Variants in PTPRD observed in about 807,000 individuals in gnomAD.
The protein encoded by PTPRD is receptor-type tyrosine-protein phosphatase delta.
Under a neutral mutation model 214.5 loss-of-function variants are expected in PTPRD, and 34 were observed. The ratio of observed to expected loss-of-function variants is 0.16; its 90% CI spans 0.12 to 0.21. The LOEUF (loss-of-function observed/expected upper bound fraction) is 0.21, where lower values mean the gene tolerates loss of function less well. Among genes scored for constraint, PTPRD ranks in the 10% least tolerant of loss-of-function variants. PTPRD has a pLI of 1.00. For missense variants in PTPRD, 2,545 were observed against 2,398.7 expected (o/e 1.06, Z -1.27); for synonymous variants, 1,128 against 845.7 (o/e 1.33, Z -5.79).
At chr9:9,556,698 C>T (rs2081600014) in intron 8 of PTPRD, among the ~76,000 whole-genome samples, 1 of 152,072 alleles carries the variant, frequency 6.6e-6, no homozygotes, top group East Asian at 1.9e-4. Flanking sequence ...GCTAACACAA[C>T]CCAAATCCTT....
chr9:9,002,205 A>T (rs939016131), intron 11 of PTPRD, among the ~76,000 whole-genome samples: 16 of 152,026 alleles, frequency 1.1e-4, no homozygotes, highest in African/African-American at 3.6e-4. Flanking sequence ...TAAGGTAAAG[A>T]GAGAAACAAA....
At chr9:10,347,689 C>T (rs1416896536) in intron 2 of PTPRD, among the ~76,000 whole-genome samples, 3 of 151,976 alleles carry the variant, frequency 2.0e-5, no homozygotes, top group East Asian at 3.9e-4. Context: ...AGATTACAGG[C>T]GTGAGTCACT....
intron 14 of PTPRD, among the ~76,000 whole-genome samples, chr9:8,582,531 A>G (rs1270643665): frequency 4.6e-5 from 7 of 152,166 alleles, no homozygotes; most frequent in Admixed American, 1.3e-4. Context: ...TTAGTAAACA[A>G]ATGTGCATAC....
At chr9:9,752,229 C>T (rs1290301730) in intron 6 of PTPRD, among the ~76,000 whole-genome samples, 1 of 152,012 alleles carries the variant, frequency 6.6e-6, no homozygotes. Context: ...GCCATTTTGG[C>T]CCCTATTAGC....
chr9:10,496,677 G>C (rs2042133792), intron 2 of PTPRD, among the ~76,000 whole-genome samples: 1 of 151,920 alleles, frequency 6.6e-6, no homozygotes, highest in Non-Finnish European at 1.5e-5. Flanking sequence ...AACTCATTGT[G>C]GTTTTAATTT....
chr9:8,892,405 T>C (rs2098547283), intron 11 of PTPRD, among the ~76,000 whole-genome samples: 1 of 152,074 alleles, frequency 6.6e-6, no homozygotes, highest in Non-Finnish European at 1.5e-5. Context: ...TATTTATTCA[T>C]GCCACAAACA....
At chr9:10,269,370 T>A (rs1387020043) in intron 3 of PTPRD, among the ~76,000 whole-genome samples, 1 of 152,192 alleles carries the variant, frequency 6.6e-6, no homozygotes. Flanking sequence ...TATTGAGTAA[T>A]ATTTTTGTTT....
At chr9:9,647,046 T>G (rs1481593836) in intron 7 of PTPRD, among the ~76,000 whole-genome samples, 2 of 152,182 alleles carry the variant, frequency 1.3e-5, no homozygotes, top group African/African-American at 4.8e-5. Context: ...TCCATCTCTT[T>G]GCCCATCTGT....
intron 12 of PTPRD, among the ~76,000 whole-genome samples, chr9:8,658,036 C>T (rs182593911): frequency 3.6e-4 from 55 of 152,188 alleles, no homozygotes; most frequent in Non-Finnish European, 5.9e-4. Flanking sequence ...TAATGATGTA[C>T]AGAGAATATG....
At chr9:9,900,072 G>A (rs951850500) in intron 5 of PTPRD, among the ~76,000 whole-genome samples, 1 of 152,114 alleles carries the variant, frequency 6.6e-6, no homozygotes, top group Admixed American at 6.6e-5. Flanking sequence ...TTCATGGAGT[G>A]AAACACTTAA....
At chr9:9,629,667 C>T (rs568031797) in intron 7 of PTPRD, among the ~76,000 whole-genome samples, 1 of 152,288 alleles carries the variant, frequency 6.6e-6, no homozygotes, top group Non-Finnish European at 1.5e-5. Flanking sequence ...CAACAAACTA[C>T]CTGTTGCTGT....
chr9:10,015,787 T>C (rs957767231), intron 4 of PTPRD, among the ~76,000 whole-genome samples: 38 of 152,276 alleles, frequency 2.5e-4, no homozygotes, highest in African/African-American at 8.7e-4. Flanking sequence ...CTTAAGAAAT[T>C]TATTTCTCCT....
intron 2 of PTPRD, among the ~76,000 whole-genome samples, chr9:10,413,478 C>T (rs978309844): frequency 1.3e-5 from 2 of 151,850 alleles, no homozygotes; most frequent in African/African-American, 4.8e-5. Flanking sequence ...CAAATGGAAA[C>T]ATACTCCACG....
intron 9 of PTPRD, among the ~76,000 whole-genome samples, chr9:9,244,641 A>G (rs2099972120): frequency 6.6e-6 from 1 of 152,154 alleles, no homozygotes. Flanking sequence ...TTAATTCAAG[A>G]TGGATTAAGA....
chr9:8,316,509 C>CGATT lies in PTPRD; in HGVS notation c.*1361_*1364dup. Reference sequence around the variant, plus strand: ...CATAGCACATACTATAGACAATATACGATTGAATACACTTTTTTTAAACAA... The same window carrying CGATT: ...CATAGCACATACTATAGACAATATACGATTGATTGAATACACTTTTTTTAAACAA... On this transcript the variant is annotated 3_prime_UTR_variant, in exon 46 of 46. Coordinates refer to ENST00000381196, the MANE Select transcript of PTPRD (RefSeq NM_002839.4). The CGATT allele has an allele frequency of 4.3e-6, 1 of 229,962 alleles. No homozygotes were observed. Among genetic ancestry groups the CGATT allele is most frequent in the Non-Finnish European group, 8.6e-6 (1 of 115,870 alleles). 14.2% of individuals were successfully genotyped at this position (229,962 alleles called of 1,614,324 possible). A position where few individuals can be genotyped will look rare whatever the true frequency, so the allele number is the denominator to read the frequency against.
chr9:8,683,531 C>T (rs1425044894), intron 12 of PTPRD, among the ~76,000 whole-genome samples: 1 of 152,152 alleles, frequency 6.6e-6, no homozygotes, highest in Non-Finnish European at 1.5e-5. Context: ...TCAGAACCCA[C>T]CTCCTCTATA....
At chr9:9,596,015 G>C (rs1028424556) in intron 7 of PTPRD, among the ~76,000 whole-genome samples, 15 of 151,920 alleles carry the variant, frequency 9.9e-5, no homozygotes, top group Admixed American at 9.9e-4. Context: ...GCTCTTTGAA[G>C]TTTGTGTGAT....
At chr9:9,093,439 A>C (rs1279324795) in intron 10 of PTPRD, among the ~76,000 whole-genome samples, 1 of 151,986 alleles carries the variant, frequency 6.6e-6, no homozygotes, top group Non-Finnish European at 1.5e-5. Flanking sequence ...CAGGCCATAA[A>C]ACAAGTCTTA....
chr9:8,751,681 A>T (rs1040517940), intron 11 of PTPRD, among the ~76,000 whole-genome samples: 1 of 152,176 alleles, frequency 6.6e-6, no homozygotes, highest in Non-Finnish European at 1.5e-5. Flanking sequence ...TTCATCCCTT[A>T]GTCTTCACTC....
Sources: gnomAD v4.1 joint callset for allele counts (sites outside exome capture counted in the v4.1 genomes callset) on GRCh38, gnomAD v4.1.1 for gene constraint, MANE v1.5 for transcripts, NCBI Gene and HGNC (gene_info 2026-07-23, HGNC 2026-07-21) for gene names.